TAFA5: variants seen among roughly 807,000 people sequenced by gnomAD.
TAFA5 encodes the protein TAFA chemokine like family member 5, also known as chemokine-like protein TAFA-5.
Under a neutral mutation model 15.3 loss-of-function variants are expected in TAFA5, and 6 were observed. The observed-to-expected ratio is 0.39, with a 90% CI of 0.21 to 0.77. The LOEUF is 0.77. Ranked by LOEUF, TAFA5 falls within the 30% of genes least tolerant of loss-of-function variation. The probability of loss-of-function intolerance (pLI) is 0.41; values close to 1 mark genes in which losing one functional copy is unlikely to be tolerated. For missense variants in TAFA5, 161 were observed against 193.1 expected (o/e 0.83, Z 0.98); for synonymous variants, 103 against 80.7 (o/e 1.28, Z -1.48).
chr22:48,740,118 G>A lies in TAFA5; in HGVS notation c.391-9721G>A, dbSNP rs543899578. 2.0e-5 allele frequency among the ~76,000 whole-genome samples: 3 copies of A among 152,310 alleles called. No homozygotes were observed. The South Asian group carries it at 6.2e-4, about 32-fold the overall frequency. On this transcript the variant is annotated intron_variant, in intron 3 of 3. Transcript: ENST00000402357. ...ATTAGCACAGGGAGGAGCTCACGCT[G>A]CAGGCCCCTCTCCTCCAACCCTGGA...
intron 1 of TAFA5, among the ~76,000 whole-genome samples, chr22:48,572,659 A>G (rs1257080801): frequency 1.3e-5 from 2 of 152,192 alleles, no homozygotes; most frequent in Non-Finnish European, 2.9e-5. Flanking sequence ...TGTGCCACCC[A>G]TCTCAGGACA....
chr22:48,711,022 G>A (rs1428372647), intron 3 of TAFA5, among the ~76,000 whole-genome samples: 2 of 152,204 alleles, frequency 1.3e-5, no homozygotes, highest in African/African-American at 4.8e-5. Flanking sequence ...GGGAGACTCA[G>A]ATACTCTGAT....
chr22:48,542,547 GAT>G (rs1922470342), intron 1 of TAFA5, among the ~76,000 whole-genome samples: 2 of 88,916 alleles, frequency 2.2e-5, no homozygotes, highest in African/African-American at 4.9e-5. Context: ...GTGTGTGTGT[GAT>G]GTGTATGTGT....
At chr22:48,702,066 C>T (rs899875914) in intron 2 of TAFA5, among the ~76,000 whole-genome samples, 1 of 152,074 alleles carries the variant, frequency 6.6e-6, no homozygotes, top group East Asian at 1.9e-4. Flanking sequence ...AGCCAGGTGG[C>T]CCCGGGGATG....
chr22:48,738,943 A>G (rs948390801), intron 3 of TAFA5, among the ~76,000 whole-genome samples: 1 of 152,188 alleles, frequency 6.6e-6, no homozygotes, highest in Non-Finnish European at 1.5e-5. Flanking sequence ...TCACCACTGG[A>G]TTATAAACCA....
In TAFA5 at chr22:48,527,927, C is replaced by A. The variant is rs572847557; in HGVS notation, c.112+38223C>A. ...ACAGGTGCAATCCCGCCTTCCCAGGCGCGCTCTTCTTCAGGCACTTCTGAG... is the reference window on the plus strand; with the variant it reads ...ACAGGTGCAATCCCGCCTTCCCAGGAGCGCTCTTCTTCAGGCACTTCTGAG... On this transcript the variant is annotated intron_variant, in intron 1 of 3. Transcript: ENST00000402357. Among the ~76,000 whole-genome samples the A allele has an allele frequency of 2.6e-5, 4 of 152,338 alleles. No individual in the cohort carries two copies. The East Asian group carries it at 5.8e-4, about 22-fold the overall frequency.
intron 1 of TAFA5, among the ~76,000 whole-genome samples, chr22:48,573,914 G>A (rs978776741): frequency 4.6e-5 from 7 of 152,150 alleles, no homozygotes; most frequent in African/African-American, 1.7e-4. Flanking sequence ...GGTCCCTTTG[G>A]GGGCCAGGGG....
intron 3 of TAFA5, among the ~76,000 whole-genome samples, chr22:48,711,865 T>C (rs1015971758): frequency 3.3e-5 from 5 of 152,154 alleles, no homozygotes; most frequent in African/African-American, 1.2e-4. Flanking sequence ...CCCCTTCCGG[T>C]GTGGGCCGTT....
At chr22:48,523,424 G>A (rs2147108402) in intron 1 of TAFA5, among the ~76,000 whole-genome samples, 1 of 152,382 alleles carries the variant, frequency 6.6e-6, no homozygotes, top group Admixed American at 6.5e-5. Flanking sequence ...GGGCTGTGGA[G>A]GTGAATCACT....
At position 48,507,195 on chromosome 22, in the gene TAFA5, C is replaced by T. The variant is rs879380157; in HGVS notation, c.112+17491C>T. 5.8e-3 allele frequency among the ~76,000 whole-genome samples: 697 copies of T among 119,780 alleles called. 10 individuals are homozygous for T. The highest frequency in any genetic ancestry group is 8.5e-3 in the Admixed American group (111 of 13,068). The allele number at this position is 119,780 out of a possible 152,430, so 78.6% of individuals were successfully genotyped here. On this transcript the variant is annotated intron_variant, in intron 1 of 3. Coordinates refer to ENST00000402357, the MANE Select transcript of TAFA5 (RefSeq NM_001082967.3). ...GGTGTGTAGTTGGAGAAGGAGACGGCCGCCAAGGGCCAGGTGTGCAGTTGG... is the reference window on the plus strand; with the variant it reads ...GGTGTGTAGTTGGAGAAGGAGACGGTCGCCAAGGGCCAGGTGTGCAGTTGG...
intron 2 of TAFA5, among the ~76,000 whole-genome samples, chr22:48,676,870 T>C (rs1178933711): frequency 1.3e-5 from 2 of 152,194 alleles, no homozygotes; most frequent in African/African-American, 4.8e-5. Context: ...CTAACCTCCC[T>C]GGACATTGCA....
chr22:48,631,320 G>A (rs1347366323), intron 1 of TAFA5, among the ~76,000 whole-genome samples: 2 of 152,190 alleles, frequency 1.3e-5, no homozygotes, highest in African/African-American at 4.8e-5. Context: ...GCCCCACCCA[G>A]CCACATGCCT....
rs369129359 is a variant in TAFA5 at position 48,552,496 on chromosome 22, C to T, written c.112+62792C>T. Among the ~76,000 whole-genome samples, 7 of 152,242 alleles carry T rather than the reference C, an allele frequency of 4.6e-5. No individual in the cohort carries two copies. In the South Asian group the frequency reaches 6.2e-4, roughly 14 times the overall value. ...TCCTCTCTCGGGGTCCTGCAGGCCA[C>T]GAGGTGGGCAGCCTGCTCTCCTTGG... is the stretch of plus-strand genomic sequence containing the variant. On this transcript the variant is annotated intron_variant, in intron 1 of 3. Coordinates refer to ENST00000402357, the MANE Select transcript of TAFA5 (RefSeq NM_001082967.3). This position sits in a 1 kb window ranked among gnomAD's most constrained non-coding sequence, Gnocchi z 4.1.
intron 3 of TAFA5, among the ~76,000 whole-genome samples, chr22:48,727,301 G>A (rs747056567): frequency 4.6e-5 from 7 of 152,108 alleles, no homozygotes; most frequent in Non-Finnish European, 1.0e-4. Context: ...TGAAAATAAC[G>A]TGGTCTGTAA....
At chr22:48,676,320 G>A (rs746883735) in intron 2 of TAFA5, among the ~76,000 whole-genome samples, 1 of 152,242 alleles carries the variant, frequency 6.6e-6, no homozygotes, top group Non-Finnish European at 1.5e-5. Flanking sequence ...GTCTGGGCCA[G>A]GTGAGCCTTT....
chr22:48,579,284 C>G (rs1923942268), intron 1 of TAFA5, among the ~76,000 whole-genome samples: 1 of 152,202 alleles, frequency 6.6e-6, no homozygotes, highest in Non-Finnish European at 1.5e-5. Flanking sequence ...GCTGGGCAGC[C>G]ACAGGCCCAG....
chr22:48,677,858 A>C (rs1162892456), intron 2 of TAFA5, among the ~76,000 whole-genome samples: 1 of 151,886 alleles, frequency 6.6e-6, no homozygotes, highest in Non-Finnish European at 1.5e-5. Context: ...GGAGTCCTGC[A>C]GTGGCCCTGC....
rs1227009732 is a variant in TAFA5, at chr22:48,548,464, A to T, written c.112+58760A>T. On this transcript the variant is annotated intron_variant, in intron 1 of 3. Coordinates refer to ENST00000402357, the MANE Select transcript of TAFA5 (RefSeq NM_001082967.3). ...GGAACAAACCAGAAACTCGGGCCTC[A>T]CAGTGCTGTTCGGGACCCTGGGTCA... Among the ~76,000 whole-genome samples, 4 of 152,214 alleles carry T rather than the reference A, an allele frequency of 2.6e-5. No homozygotes were observed. In the East Asian group the frequency reaches 5.8e-4, roughly 22 times the overall value.
chr22:48,651,819 G>A (rs1056478324), intron 2 of TAFA5, among the ~76,000 whole-genome samples: 4 of 152,146 alleles, frequency 2.6e-5, no homozygotes, highest in East Asian at 1.9e-4. Flanking sequence ...GCAGCAGGTC[G>A]GTGCGGGAGG....
Sources: allele counts gnomAD v4.1 joint callset (sites outside exome capture counted in the v4.1 genomes callset), GRCh38; gene constraint gnomAD v4.1.1; non-coding constraint Gnocchi (gnomAD v3.1); transcripts MANE v1.5; gene names NCBI Gene and HGNC (gene_info 2026-07-23, HGNC 2026-07-21).